KCNJ16: variants seen among roughly 807,000 people sequenced by gnomAD.
KCNJ16 encodes the protein inward rectifier potassium channel 16.
KCNJ16 carries 15 observed loss-of-function variants against 18.5 expected under a neutral mutation model. The observed-to-expected ratio is 0.81, with a 90% CI of 0.54 to 1.25. The LOEUF is 1.25. Among genes scored for constraint, KCNJ16 ranks in the 50% most tolerant of loss-of-function variants. The pLI, the probability that KCNJ16 is intolerant of heterozygous loss-of-function variation, is 0.00. For missense variants in KCNJ16, 523 were observed against 525.7 expected (o/e 0.99, Z 0.05); for synonymous variants, 174 against 186.5 (o/e 0.93, Z 0.55).
intron 2 of KCNJ16, among the ~76,000 whole-genome samples, chr17:70,107,998 T>G (rs982208228): frequency 6.6e-6 from 1 of 152,188 alleles, no homozygotes; most frequent in African/African-American, 2.4e-5. Flanking sequence ...GTACTAACAA[T>G]AAAAACATTC....
At position 70,121,384 on chromosome 17, in the gene KCNJ16, A is replaced by G. The variant is rs554675673; in HGVS notation, c.-190-9495A>G. ...TATTCCAATAAAACTTCATTTACAG[A>G]AACAACTCAATACTCAGATTTGGCC... is the stretch of plus-strand genomic sequence containing the variant. On this transcript the variant is annotated intron_variant, in intron 2 of 3. Transcript: ENST00000392671. 9.2e-5 allele frequency among the ~76,000 whole-genome samples: 14 copies of G among 152,272 alleles called. No homozygotes were observed. The South Asian group carries it at 2.9e-3, about 32-fold the overall frequency.
At chr17:70,103,296 G>GTATATATA (rs1173280296) in intron 2 of KCNJ16, among the ~76,000 whole-genome samples, 4 of 72,054 alleles carry the variant, frequency 5.6e-5, no homozygotes, top group African/African-American at 1.3e-4. Context: ...ATGTGTGTGT[G>GTATATATA]TATATATATA....
At position 70,130,968 on chromosome 17, in the gene KCNJ16, T is replaced by C. The variant is rs1295314215; in HGVS notation, c.-101T>C. The C allele has an allele frequency of 1.9e-5, 29 of 1,535,546 alleles. No individual in the cohort carries two copies. The highest frequency in any genetic ancestry group is 2.5e-5 in the Non-Finnish European group (29 of 1,146,560). ...CTTTGGCCTATTATACCATGGATGC[T>C]AAAAATGGTAAGAGCTGCATGTTCT... On this transcript the variant is annotated 5_prime_UTR_variant, in exon 3 of 4. Transcript: ENST00000392671.
chr17:70,103,286 A>ATGTGTGATGTGTGTG (rs367701950), intron 2 of KCNJ16, among the ~76,000 whole-genome samples: 3 of 103,814 alleles, frequency 2.9e-5, no homozygotes, highest in African/African-American at 3.9e-5. Flanking sequence ...ATATGCATAT[A>ATGTGTGATGTGTGTG]TGTGTGTGTG....
rs182922685 is a variant in KCNJ16 at position 70,090,296 on chromosome 17, G to C, written c.-299-10362G>C. On this transcript the variant is annotated intron_variant, in intron 1 of 3. Transcript: ENST00000392671. Reference sequence around the variant, plus strand: ...AAACTCTAAGATAAGGAGAAAAGCTGACCTAAAAACACTGTCATCTCACAA... The same window carrying C: ...AAACTCTAAGATAAGGAGAAAAGCTCACCTAAAAACACTGTCATCTCACAA... 3.9e-5 allele frequency among the ~76,000 whole-genome samples: 6 copies of C among 152,246 alleles called. No homozygotes were observed. In the East Asian group the frequency reaches 9.7e-4, roughly 24 times the overall value.
At chr17:70,101,911 GTAT>G (rs1221596691) in intron 2 of KCNJ16, 78 of 152,052 alleles carry the variant, frequency 5.1e-4, no homozygotes, top group Admixed American at 5.1e-3. Context: ...TTACTGAAAA[GTAT>G]TATCACAGAA....
At chr17:70,131,607 A>T in intron 3 of KCNJ16, 1 of 384,698 alleles carries the variant, frequency 2.6e-6, no homozygotes, top group Non-Finnish European at 3.7e-6. Flanking sequence ...TATGACTGCT[A>T]GACACATATC....
intron 1 of KCNJ16, among the ~76,000 whole-genome samples, chr17:70,083,707 A>G (rs1171888469): frequency 6.6e-6 from 1 of 152,016 alleles, no homozygotes; most frequent in Non-Finnish European, 1.5e-5. Context: ...GACAGAATAT[A>G]TCCTCATTGT....
intron 1 of KCNJ16, among the ~76,000 whole-genome samples, chr17:70,094,340 C>A (rs1266046484): frequency 6.6e-6 from 1 of 152,096 alleles, no homozygotes; most frequent in African/African-American, 2.4e-5. Context: ...GCAGGAATAG[C>A]AATAGTTTCA....
chr17:70,132,523 G>A lies in KCNJ16; in HGVS notation c.436G>A (p.Ala146Thr). 3.1e-6 allele frequency: 5 copies of A among 1,614,174 alleles called. No homozygotes were observed. The highest frequency in any genetic ancestry group is 4.2e-6 in the Non-Finnish European group (5 of 1,180,040). ...CTGTGTTACTGAAGAATGTTCTGTGGCCGTGCTCATGGTGATCCTCCAGTC... is the reference window on the plus strand; with the variant it reads ...CTGTGTTACTGAAGAATGTTCTGTGACCGTGCTCATGGTGATCCTCCAGTC... ...YRCVTEECSV[A>T]VLMVILQSIL... Residue 146 changes from alanine to threonine, a missense_variant, in exon 4 of 4, where the codon GCC (alanine) becomes ACC (threonine). Physicochemically the swap from Ala to Thr is moderately conservative, Grantham distance 58. Coordinates refer to ENST00000392671, the MANE Select transcript of KCNJ16 (RefSeq NM_170741.4).
intron 1 of KCNJ16, among the ~76,000 whole-genome samples, chr17:70,091,310 A>G (rs540560110): frequency 6.6e-6 from 1 of 152,276 alleles, no homozygotes; most frequent in South Asian, 2.1e-4. Context: ...TGATAAGATA[A>G]TTTCCTGTTT....
chr17:70,133,241 AC>A lies in KCNJ16; in HGVS notation c.1157del (p.Pro386LeufsTer22). Reference sequence around the variant, plus strand: ...GTTGCCATTGTCAGCAGCTGTGAAAACCCTGAGGAGACCACCACTTCCGCCA... The same window carrying A: ...GTTGCCATTGTCAGCAGCTGTGAAAACCTGAGGAGACCACCACTTCCGCCA... Reference protein sequence around the residue: ...SAVAIVSSCENPEETTTSATH... With the variant: ...SAVAIVSSCEXPEETTTSATH... On this transcript the variant is annotated frameshift_variant, in exon 4 of 4. Transcript: ENST00000392671. LOFTEE classifies it high-confidence loss of function. The A allele has an allele frequency of 1.9e-6, 3 of 1,614,040 alleles. No individual in the cohort carries two copies. Among genetic ancestry groups the A allele is most frequent in the Non-Finnish European group, 2.5e-6 (3 of 1,180,020 alleles).
rs1346837129 is a variant in KCNJ16, at chr17:70,095,880, T to C, written c.-299-4778T>C. 1.5e-3 allele frequency among the ~76,000 whole-genome samples: 178 copies of C among 122,336 alleles called. 3 individuals are homozygous for C. The highest frequency in any genetic ancestry group is 2.4e-3 in the Non-Finnish European group (140 of 59,200). 80.3% of individuals were successfully genotyped at this position (122,336 alleles called of 152,430 possible). On this transcript the variant is annotated intron_variant, in intron 1 of 3. Transcript: ENST00000392671. ...TTATATTACTTAATCCTTTTTTTTT[T>C]TTTTTTTTTTTTTTTTTTTTGAGAT...
At chr17:70,115,776 C>T (rs957585730) in intron 2 of KCNJ16, among the ~76,000 whole-genome samples, 1 of 152,170 alleles carries the variant, frequency 6.6e-6, no homozygotes, top group African/African-American at 2.4e-5. Flanking sequence ...CCTCCCACCT[C>T]CTTGTTTTAA....
chr17:70,075,774 A>G (rs371884904), intron 1 of KCNJ16, among the ~76,000 whole-genome samples: 46 of 152,298 alleles, frequency 3.0e-4, no homozygotes, highest in Middle Eastern at 3.4e-3. Flanking sequence ...TGAACATATA[A>G]TTGCAAATAT....
chr17:70,085,478 T>C (rs113875865), intron 1 of KCNJ16, among the ~76,000 whole-genome samples: 6,552 of 152,294 alleles, frequency 0.043, 121 homozygotes, highest in Middle Eastern at 0.061. Context: ...ACCAGTAGTG[T>C]ATGTCTTCTA....
At chr17:70,110,897 T>C (rs2073157947) in intron 2 of KCNJ16, among the ~76,000 whole-genome samples, 1 of 152,166 alleles carries the variant, frequency 6.6e-6, no homozygotes, top group African/African-American at 2.4e-5. Context: ...AGATTCTTAA[T>C]GGTTTGGTCT....
chr17:70,097,131 G>A (rs1201587880), intron 1 of KCNJ16, among the ~76,000 whole-genome samples: 2 of 152,140 alleles, frequency 1.3e-5, no homozygotes, highest in Admixed American at 6.5e-5. Context: ...TGTGATCACA[G>A]ATACAGAGTT....
intron 2 of KCNJ16, among the ~76,000 whole-genome samples, chr17:70,112,381 G>A (rs1204644978): frequency 6.7e-6 from 1 of 149,592 alleles, no homozygotes; most frequent in Non-Finnish European, 1.5e-5. Context: ...TTTTTAATGA[G>A]GGCATCCAGT....
Sources: gnomAD v4.1 joint callset for allele counts (sites outside exome capture counted in the v4.1 genomes callset) on GRCh38, gnomAD v4.1.1 for gene constraint, MANE v1.5 for transcripts, NCBI Gene and HGNC (gene_info 2026-07-23, HGNC 2026-07-21) for gene names.